RYR3: variants seen among roughly 807,000 people sequenced by gnomAD.
The protein encoded by RYR3 is brain ryanodine receptor-calcium release channel.
Under a neutral mutation model 584.3 loss-of-function variants are expected in RYR3, and 207 were observed. The observed-to-expected ratio is 0.35, with a 90% CI of 0.32 to 0.40. RYR3 has a LOEUF of 0.40. RYR3 is among the 10% of genes least tolerant of loss of function. The pLI, the probability that RYR3 is intolerant of heterozygous loss-of-function variation, is 1.00. For missense variants in RYR3, 5,616 were observed against 6,089.2 expected, an observed-to-expected ratio of 0.92 and a Z score of 2.59; for synonymous variants, 2,416 against 2,248.5, an observed-to-expected ratio of 1.07 and a Z score of -2.11.
intron 8 of RYR3, among the ~76,000 whole-genome samples, chr15:33,546,659 A>G (rs1042264182): frequency 2.6e-5 from 4 of 152,206 alleles, no homozygotes; most frequent in African/African-American, 9.7e-5. Context: ...ACATTGTTTT[A>G]TAAGTACCCT....
chr15:33,771,874 A>G lies in RYR3; in HGVS notation c.8817-46A>G, dbSNP rs1401849208. 1.9e-5 allele frequency: 28 copies of G among 1,458,956 alleles called. No individual in the cohort carries two copies. In the Admixed American group the frequency reaches 5.0e-4, roughly 26 times the overall value. 90.4% of individuals were successfully genotyped at this position (1,458,956 alleles called of 1,614,324 possible). On this transcript the variant is annotated intron_variant, in intron 62 of 103. Coordinates refer to ENST00000634891, the MANE Select transcript of RYR3 (RefSeq NM_001036.6). ...GCCAGTTTCAAGAAGGGGATTGGCC[A>G]AAAGTTCAGATTATGCTTCTAGATT... is the stretch of plus-strand genomic sequence containing the variant.
chr15:33,690,022 C>A (rs970078461), intron 38 of RYR3, among the ~76,000 whole-genome samples: 2 of 152,202 alleles, frequency 1.3e-5, no homozygotes, highest in African/African-American at 4.8e-5. Flanking sequence ...TGAAGATAGG[C>A]AGAAACTTGT....
At chr15:33,836,833 C>A in intron 87 of RYR3, 73 bp from the exon 88 acceptor site, 1 of 1,196,750 alleles carries the variant, frequency 8.4e-7, no homozygotes, top group Non-Finnish European at 1.2e-6. Context: ...CCAGAGCAGG[C>A]TCTTCTCGCT....
At position 33,566,586 on chromosome 15, in the gene RYR3, A is replaced by G. The variant is rs548712116; in HGVS notation, c.1147-92A>G. 3 of 1,370,084 alleles carry G rather than the reference A, an allele frequency of 2.2e-6. No homozygotes were observed. In the African/African-American group the frequency reaches 4.3e-5, roughly 20 times the overall value. 84.9% of individuals were successfully genotyped at this position (1,370,084 alleles called of 1,614,324 possible). On this transcript the variant is annotated intron_variant, in intron 11 of 103. Coordinates refer to ENST00000634891, the MANE Select transcript of RYR3 (RefSeq NM_001036.6). ...AGAGAGCTTATTTGGAGAAAGGAAT[A>G]AGAGGGATGAGGGCAATACTGCGGG...
At chr15:33,595,759 T>C (rs552684435) in intron 16 of RYR3, among the ~76,000 whole-genome samples, 3 of 152,254 alleles carry the variant, frequency 2.0e-5, no homozygotes, top group Non-Finnish European at 4.4e-5. Flanking sequence ...AACTCAATGT[T>C]ACAAGAACTT....
intron 78 of RYR3, 127 bp from the exon 79 acceptor site, chr15:33,821,143 G>C: frequency 1.4e-6 from 1 of 703,784 alleles, no homozygotes; most frequent in East Asian, 2.7e-5. Flanking sequence ...TCAGAAGTCT[G>C]CTTTATCCAA....
intron 1 of RYR3, among the ~76,000 whole-genome samples, chr15:33,381,534 T>G (rs557060179): frequency 1.3e-5 from 2 of 152,298 alleles, no homozygotes; most frequent in South Asian, 4.1e-4. Context: ...TCAGCATCCC[T>G]TCCTCCAGGT....
rs560098867 is a variant in RYR3 at position 33,584,978 on chromosome 15, A to G, written c.1669+488A>G. On this transcript the variant is annotated intron_variant, in intron 15 of 103. Coordinates refer to ENST00000634891, the MANE Select transcript of RYR3 (RefSeq NM_001036.6). ...GTGACTCACCCTTCACATCATATCT[A>G]TAGTCCTCCCTCATGACTTACGGAG... Among the ~76,000 whole-genome samples, 134 of 152,206 alleles carry G rather than the reference A, an allele frequency of 8.8e-4. 1 individual carries two copies. The highest frequency in any genetic ancestry group is 2.9e-3 in the Admixed American group (45 of 15,288).
intron 48 of RYR3, among the ~76,000 whole-genome samples, chr15:33,735,170 C>T (rs974608637): frequency 1.3e-5 from 2 of 152,158 alleles, no homozygotes; most frequent in African/African-American, 4.8e-5. Context: ...AGACTTATTG[C>T]ACTCTTTGTA....
intron 1 of RYR3, among the ~76,000 whole-genome samples, chr15:33,386,441 G>A (rs138494968): frequency 0.017 from 2,591 of 152,276 alleles, 35 homozygotes; most frequent in Non-Finnish European, 0.027. Context: ...ATGAGCTGGT[G>A]CACTCAAATC....
intron 1 of RYR3, among the ~76,000 whole-genome samples, chr15:33,454,457 A>G (rs1206961952): frequency 6.6e-6 from 1 of 152,210 alleles, no homozygotes; most frequent in African/African-American, 2.4e-5. Flanking sequence ...TGGCCAAGCG[A>G]AACTCCATCC....
At chr15:33,722,455 TCCATCAG>T in intron 43 of RYR3, 1 of 488,934 alleles carries the variant, frequency 2.0e-6, no homozygotes, top group Non-Finnish European at 3.5e-6. Context: ...CACCTTTTTC[TCCATCAG>T]TGTCAACTCC....
intron 63 of RYR3, 32 bp from the exon 64 acceptor site, chr15:33,773,502 T>C: frequency 4.0e-6 from 6 of 1,497,690 alleles, no homozygotes; most frequent in Non-Finnish European, 4.6e-6. Context: ...TCAGGATTGA[T>C]GCAAATCAAT....
chr15:33,572,655 A>AC lies in RYR3; in HGVS notation c.1268+5856_1268+5857insC, dbSNP rs1249936651. Among the ~76,000 whole-genome samples the AC allele has an allele frequency of 1.5e-4, 19 of 129,720 alleles. 1 individual carries two copies. The highest frequency in any genetic ancestry group is 3.1e-4 in the Admixed American group (4 of 12,882). 85.1% of individuals were successfully genotyped at this position (129,720 alleles called of 152,430 possible). A position where few individuals can be genotyped will look rare whatever the true frequency, so the allele number is the denominator to read the frequency against. ...CATTAAATTAAAAAAAAAAAACTAT[A>AC]TATACACACACACACACACACACAC... On this transcript the variant is annotated intron_variant, in intron 12 of 103. Transcript: ENST00000634891.
rs1337492299 is a variant in RYR3, at chr15:33,594,739, TAAAAC to T, written c.1789-6677_1789-6673del. Among the ~76,000 whole-genome samples the T allele has an allele frequency of 1.5e-4, 23 of 152,232 alleles. 2 individuals carry two copies. In the South Asian group the frequency reaches 3.5e-3, roughly 23 times the overall value. ...CTTTTAGAGAAAGTTTCAAACAAGATAAAACAAGACAGCTTTTTGTGGATGAAAAA... is the reference window on the plus strand; with the variant it reads ...CTTTTAGAGAAAGTTTCAAACAAGATAAGACAGCTTTTTGTGGATGAAAAA... On this transcript the variant is annotated intron_variant, in intron 16 of 103. Coordinates refer to ENST00000634891, the MANE Select transcript of RYR3 (RefSeq NM_001036.6).
intron 1 of RYR3, among the ~76,000 whole-genome samples, chr15:33,388,369 C>T (rs182501295): frequency 1.4e-4 from 22 of 152,120 alleles, no homozygotes; most frequent in African/African-American, 4.6e-4. Context: ...ATAATTTCAA[C>T]CCAATAGAGT....
chr15:33,854,460 C>T lies in RYR3; in HGVS notation c.13860+11C>T, dbSNP rs962991010. 1 of 1,554,364 alleles carries T rather than the reference C, an allele frequency of 6.4e-7. No homozygotes were observed. Among genetic ancestry groups the T allele is most frequent in the Admixed American group, 2.1e-5 (1 of 48,206 alleles). On this transcript the variant is annotated intron_variant, in intron 97 of 103. Coordinates refer to ENST00000634891, the MANE Select transcript of RYR3 (RefSeq NM_001036.6). ...GTTTTTACTGACAACGTAAGTACTG[C>T]ACCTGGAAAAACAAAATTCTATACC...
chr15:33,616,900 C>T (rs542921623), intron 19 of RYR3, among the ~76,000 whole-genome samples: 29 of 152,308 alleles, frequency 1.9e-4, no homozygotes, highest in African/African-American at 7.0e-4. Flanking sequence ...TGGTCAGGGT[C>T]AGTGCAGGAC....
chr15:33,395,398 C>T (rs541777239), intron 1 of RYR3, among the ~76,000 whole-genome samples: 1 of 152,352 alleles, frequency 6.6e-6, no homozygotes, highest in East Asian at 1.9e-4. Flanking sequence ...AAAACCGAAA[C>T]TTAAAATGGA....
Sources: allele counts gnomAD v4.1 joint callset (sites outside exome capture counted in the v4.1 genomes callset), GRCh38; gene constraint gnomAD v4.1.1; transcripts MANE v1.5; gene names NCBI Gene and HGNC (gene_info 2026-07-23, HGNC 2026-07-21).